Variants in FAM167A observed in about 807,000 individuals in gnomAD.
The protein encoded by FAM167A is family with sequence similarity 167 member A, also known as protein FAM167A.
Under a neutral mutation model 14.9 loss-of-function variants are expected in FAM167A, and 23 were observed. That is an observed-to-expected ratio of 1.55 (90% CI 1.11 to 2.19). The LOEUF (loss-of-function observed/expected upper bound fraction) is 2.19, where lower values mean the gene tolerates loss of function less well. Among genes scored for constraint, FAM167A ranks in the 30% most tolerant of loss-of-function variants. FAM167A has a pLI of 0.00. For missense variants in FAM167A, 401 were observed against 281.5 expected (o/e 1.42, Z -3.04); for synonymous variants, 174 against 117.7 (o/e 1.48, Z -3.10).
intron 2 of FAM167A, among the ~76,000 whole-genome samples, chr8:11,432,288 C>T: frequency 6.6e-6 from 1 of 152,190 alleles, no homozygotes; most frequent in Non-Finnish European, 1.5e-5. Flanking sequence ...AACAGGCAAC[C>T]TACAGAATGG....
chr8:11,446,949 G>C (rs1220631302), intron 1 of FAM167A, among the ~76,000 whole-genome samples: 1 of 152,164 alleles, frequency 6.6e-6, no homozygotes, highest in Non-Finnish European at 1.5e-5. Flanking sequence ...TCCTGGAGAG[G>C]ATTCAACTGC....
intron 2 of FAM167A, chr8:11,438,100 C>A (rs3021516): frequency 1.3e-5 from 6 of 456,376 alleles, no homozygotes; most frequent in Non-Finnish European, 2.6e-5. Context: ...CACCCCAGCA[C>A]GGAAGCCAGG....
chr8:11,473,184 G>T (rs189404352), intron 1 of FAM167A, among the ~76,000 whole-genome samples: 5 of 152,352 alleles, frequency 3.3e-5, no homozygotes, highest in African/African-American at 1.2e-4. Flanking sequence ...CGTCAGTGAT[G>T]CAGGAGCGAG....
upstream of FAM167A, among the ~76,000 whole-genome samples, chr8:11,472,256 C>G (rs1015300438): frequency 6.6e-6 from 1 of 152,096 alleles, no homozygotes; most frequent in Non-Finnish European, 1.5e-5. Flanking sequence ...CTGCCCCTCT[C>G]CATTGTGATG....
Position 11,423,805 on chromosome 8 carries a change from G to A in FAM167A, c.*568C>T. ...CAGAGACACTGGCTGCCAGCCACTG[G>A]GGCTGCGTCCCCAAGTGCCCATTTG... On this transcript the variant is annotated 3_prime_UTR_variant, in exon 3 of 3. Coordinates refer to ENST00000284486, the MANE Select transcript of FAM167A (RefSeq NM_053279.3). 1 of 158,248 alleles carries A rather than the reference G, an allele frequency of 6.3e-6. No homozygotes were observed. Among genetic ancestry groups the A allele is most frequent in the Admixed American group, 5.9e-5 (1 of 16,844 alleles). 9.8% of individuals were successfully genotyped at this position (158,248 alleles called of 1,614,324 possible).
chr8:11,451,640 T>A (rs1807031402), intron 1 of FAM167A, among the ~76,000 whole-genome samples: 1 of 152,160 alleles, frequency 6.6e-6, no homozygotes, highest in African/African-American at 2.4e-5. Context: ...CATGCCCTGG[T>A]GACCAGGTGT....
Position 11,424,340 on chromosome 8 carries a change from C to A in FAM167A, c.*33G>T. 6.2e-7 allele frequency: 1 copy of A among 1,608,848 alleles called. No homozygotes were observed. Among genetic ancestry groups the A allele is most frequent in the Non-Finnish European group, 8.5e-7 (1 of 1,175,814 alleles). On this transcript the variant is annotated 3_prime_UTR_variant, in exon 3 of 3. Coordinates refer to ENST00000284486, the MANE Select transcript of FAM167A (RefSeq NM_053279.3). Reference sequence around the variant, plus strand: ...TGACACCCCTCCAGCCCAAGCCCTCCGCTCCAGCCCCTCCGCCCAGTCTGA... The same window carrying A: ...TGACACCCCTCCAGCCCAAGCCCTCAGCTCCAGCCCCTCCGCCCAGTCTGA...
intron 1 of FAM167A, among the ~76,000 whole-genome samples, chr8:11,452,467 C>G (rs1426878119): frequency 1.3e-5 from 2 of 152,150 alleles, no homozygotes; most frequent in Non-Finnish European, 2.9e-5. Context: ...AGGACTGTGA[C>G]AGTCCCCAGA....
At position 11,422,777 on chromosome 8, in the gene FAM167A, A is replaced by G. The variant is rs1804847516; in HGVS notation, c.*1596T>C. On this transcript the variant is annotated 3_prime_UTR_variant, in exon 3 of 3. Transcript: ENST00000284486. ...GCCCCACTGAGATTACACAGGAAGA[A>G]GTCACAGTAGACAGAGCAGCCAGAT... The G allele has an allele frequency of 6.6e-6, 1 of 152,398 alleles. No individual in the cohort carries two copies. Among genetic ancestry groups the G allele is most frequent in the Admixed American group, 6.5e-5 (1 of 15,284 alleles). 9.4% of individuals were successfully genotyped at this position (152,398 alleles called of 1,614,324 possible). A position where few individuals can be genotyped will look rare whatever the true frequency, so the allele number is the denominator to read the frequency against.
chr8:11,470,586 C>A (rs1366375146), upstream of FAM167A, among the ~76,000 whole-genome samples: 1 of 152,186 alleles, frequency 6.6e-6, no homozygotes, highest in Non-Finnish European at 1.5e-5. Context: ...TCTCAGGGCA[C>A]AAAGCCCTCT....
chr8:11,440,698 A>C (rs141900921), intron 2 of FAM167A, among the ~76,000 whole-genome samples: 134 of 152,324 alleles, frequency 8.8e-4, no homozygotes, highest in Middle Eastern at 6.8e-3. Context: ...GGAATTACAG[A>C]TTTCTAATCG....
chr8:11,469,474 C>T (rs1042992567), upstream of FAM167A, among the ~76,000 whole-genome samples: 6 of 114,916 alleles, frequency 5.2e-5, no homozygotes, highest in African/African-American at 1.6e-4. Context: ...TTCTCTCTTC[C>T]CTTTGATTCC....
At chr8:11,437,146 C>T (rs1806075810) in intron 2 of FAM167A, among the ~76,000 whole-genome samples, 1 of 152,202 alleles carries the variant, frequency 6.6e-6, no homozygotes, top group South Asian at 2.1e-4. Flanking sequence ...TTTCCTATAG[C>T]ATGGTGGGTG....
chr8:11,425,490 A>G (rs1015999116), intron 2 of FAM167A, among the ~76,000 whole-genome samples: 2 of 152,226 alleles, frequency 1.3e-5, no homozygotes, highest in African/African-American at 4.8e-5. Context: ...GTGACCTTGT[A>G]GAAGGTTCCT....
intron 1 of FAM167A, among the ~76,000 whole-genome samples, chr8:11,466,380 G>A (rs1286664415): frequency 6.6e-6 from 1 of 151,680 alleles, no homozygotes; most frequent in African/African-American, 2.4e-5. Flanking sequence ...GGAGCTAGGA[G>A]ATGAAGTCCA....
At chr8:11,452,109 G>A (rs1178172252) in intron 1 of FAM167A, among the ~76,000 whole-genome samples, 2 of 152,150 alleles carry the variant, frequency 1.3e-5, no homozygotes, top group Non-Finnish European at 2.9e-5. Context: ...GGCAGGGAGG[G>A]GGTGCTGTGC....
chr8:11,449,494 TAAACAA>T (rs1370247740), intron 1 of FAM167A, among the ~76,000 whole-genome samples: 1 of 152,148 alleles, frequency 6.6e-6, no homozygotes, highest in East Asian at 1.9e-4. Flanking sequence ...CCCAACACTC[TAAACAA>T]ACGGGCTTTC....
Position 11,422,181 on chromosome 8 carries a change from T to C in FAM167A, c.*2192A>G. On this transcript the variant is annotated 3_prime_UTR_variant, in exon 3 of 3. Transcript: ENST00000284486. ...ACTAAATCACTCAGTTGCATCCAAC[T>C]TAATTGGACTGACTACATTCAGCTA... 1 of 209,208 alleles carries C rather than the reference T, an allele frequency of 4.8e-6. No homozygotes were observed. Among genetic ancestry groups the C allele is most frequent in the Non-Finnish European group, 9.4e-6 (1 of 105,902 alleles). The allele number at this position is 209,208 out of a possible 1,614,324, so 13.0% of individuals were successfully genotyped here. A position where few individuals can be genotyped will look rare whatever the true frequency, so the allele number is the denominator to read the frequency against.
intron 1 of FAM167A, among the ~76,000 whole-genome samples, chr8:11,450,368 C>T (rs1402121734): frequency 6.6e-6 from 1 of 152,236 alleles, no homozygotes; most frequent in Non-Finnish European, 1.5e-5. Context: ...TGTATTAACA[C>T]ATTTAATCCT....
Sources: gnomAD v4.1 joint callset for allele counts (sites outside exome capture counted in the v4.1 genomes callset) on GRCh38, gnomAD v4.1.1 for gene constraint, MANE v1.5 for transcripts, NCBI Gene and HGNC (gene_info 2026-07-23, HGNC 2026-07-21) for gene names.